The following NALF1 variants were observed in gnomAD, a reference collection of about 807,000 sequenced individuals.
NALF1 encodes NALCN channel auxiliary factor 1.
NALF1 carries 3 observed loss-of-function variants against 48.4 expected under a neutral mutation model. The ratio of observed to expected loss-of-function variants is 0.06; its 90% CI spans 0.03 to 0.16. NALF1 has a LOEUF of 0.16. Among genes scored for constraint, NALF1 ranks in the 10% least tolerant of loss-of-function variants. The probability of loss-of-function intolerance (pLI) is 1.00; values close to 1 mark genes in which losing one functional copy is unlikely to be tolerated. For missense variants in NALF1, 526 were observed against 571.5 expected (o/e 0.92, Z 0.81); for synonymous variants, 262 against 245.7 (o/e 1.07, Z -0.62).
intron 1 of NALF1, among the ~76,000 whole-genome samples, chr13:107,483,966 GTAT>G (rs1362272772): frequency 1.3e-5 from 2 of 151,848 alleles, no homozygotes; most frequent in Non-Finnish European, 2.9e-5. Flanking sequence ...GTTACTATTG[GTAT>G]TATTATCATA....
At chr13:107,687,099 A>G (rs1566444165) in intron 1 of NALF1, among the ~76,000 whole-genome samples, 1 of 152,256 alleles carries the variant, frequency 6.6e-6, no homozygotes, top group Non-Finnish European at 1.5e-5. Context: ...GTGCATATAC[A>G]CCATGGAATA....
chr13:107,534,099 T>A (rs1876726187), intron 1 of NALF1, among the ~76,000 whole-genome samples: 2 of 152,058 alleles, frequency 1.3e-5, no homozygotes, highest in South Asian at 4.1e-4. Flanking sequence ...ATTGGCCCAG[T>A]GGCATCAGCA....
chr13:107,500,547 G>A (rs1223623), intron 1 of NALF1, among the ~76,000 whole-genome samples: 2,286 of 149,178 alleles, frequency 0.015, 71 homozygotes, highest in African/African-American at 0.054. Context: ...TCAGTGTGGC[G>A]ATTCCTCAGG....
chr13:107,327,689 G>A (rs905144190), intron 1 of NALF1, among the ~76,000 whole-genome samples: 40 of 151,980 alleles, frequency 2.6e-4, no homozygotes, highest in African/African-American at 9.2e-4. Context: ...GATCATTTCC[G>A]CTTTTCTTCT....
rs558080234 is a variant in NALF1, at chr13:107,431,523, C to T, written c.916-220768G>A. Among the ~76,000 whole-genome samples the T allele has an allele frequency of 3.9e-5, 6 of 152,316 alleles. No homozygotes were observed. The South Asian group carries it at 1.2e-3, about 32-fold the overall frequency. On this transcript the variant is annotated intron_variant, in intron 1 of 2. Coordinates refer to ENST00000375915, the MANE Select transcript of NALF1 (RefSeq NM_001080396.3). ...ACTTGAATTGAATGGCTATTCACTG[C>T]TAAAAGGAACGAGTGTTAAGTAGGA... is the stretch of plus-strand genomic sequence containing the variant.
chr13:107,447,388 T>C (rs1179343401), intron 1 of NALF1, among the ~76,000 whole-genome samples: 1 of 152,094 alleles, frequency 6.6e-6, no homozygotes, highest in East Asian at 1.9e-4. Context: ...ATTCCATCTC[T>C]CCTTTCTTCA....
rs527825002 is a variant in NALF1, at chr13:107,773,913, G to T, written c.915+91769C>A. Among the ~76,000 whole-genome samples the T allele has an allele frequency of 1.4e-3, 212 of 152,222 alleles. 2 individuals are homozygous for T. Among genetic ancestry groups the T allele is most frequent in the Non-Finnish European group, 2.6e-4 (18 of 68,008 alleles). ...AAAATAAAATGAGTGTCACTATTTT[G>T]TATAAGTGTACAATCAACTATATTG... is the stretch of plus-strand genomic sequence containing the variant. On this transcript the variant is annotated intron_variant, in intron 1 of 2. Coordinates refer to ENST00000375915, the MANE Select transcript of NALF1 (RefSeq NM_001080396.3).
intron 1 of NALF1, among the ~76,000 whole-genome samples, chr13:107,641,191 G>A (rs1342492365): frequency 6.6e-6 from 1 of 152,136 alleles, no homozygotes; most frequent in Non-Finnish European, 1.5e-5. Context: ...ACTCATATGT[G>A]GAAGCTAAAA....
rs1214771144 is a variant in NALF1 at position 107,362,417 on chromosome 13, G to T, written c.916-151662C>A. Reference sequence around the variant, plus strand: ...CTGAAACCTGTAGAGTAGCATCTTCGCTTGCCTCCTCCTGACTTTGGAGGT... The same window carrying T: ...CTGAAACCTGTAGAGTAGCATCTTCTCTTGCCTCCTCCTGACTTTGGAGGT... On this transcript the variant is annotated intron_variant, in intron 1 of 2. Coordinates refer to ENST00000375915, the MANE Select transcript of NALF1 (RefSeq NM_001080396.3). This position sits in a 1 kb window ranked among gnomAD's most constrained non-coding sequence, Gnocchi z 4.6. Among the ~76,000 whole-genome samples, 1 of 152,058 alleles carries T rather than the reference G, an allele frequency of 6.6e-6. No individual in the cohort carries two copies. Among genetic ancestry groups the T allele is most frequent in the African/African-American group, 2.4e-5 (1 of 41,390 alleles).
At chr13:107,661,879 TAATA>T (rs1880742581) in intron 1 of NALF1, among the ~76,000 whole-genome samples, 1 of 152,174 alleles carries the variant, frequency 6.6e-6, no homozygotes, top group African/African-American at 2.4e-5. Flanking sequence ...AGATGATAAA[TAATA>T]AATAAATCTA....
At chr13:107,172,889 G>GA (rs902420284) in intron 2 of NALF1, among the ~76,000 whole-genome samples, 22 of 150,412 alleles carry the variant, frequency 1.5e-4, no homozygotes, top group African/African-American at 2.4e-4. Flanking sequence ...AGTCATCGCA[G>GA]AAAAAAAAAT....
intron 1 of NALF1, among the ~76,000 whole-genome samples, chr13:107,523,912 G>T (rs1182253557): frequency 6.6e-6 from 1 of 151,872 alleles, no homozygotes; most frequent in Non-Finnish European, 1.5e-5. Context: ...ATATAATAAG[G>T]ATGCATTTTA....
chr13:107,720,479 C>T (rs1875950472), intron 1 of NALF1, among the ~76,000 whole-genome samples: 1 of 128,830 alleles, frequency 7.8e-6, no homozygotes, highest in Admixed American at 1.0e-4. Context: ...CCCCTGCACT[C>T]CAGCCTGGGC....
chr13:107,821,447 T>C (rs1879359946), intron 1 of NALF1, among the ~76,000 whole-genome samples: 1 of 152,228 alleles, frequency 6.6e-6, no homozygotes, highest in Non-Finnish European at 1.5e-5. Context: ...ATGTCGAGAT[T>C]ACGCGCCCTT....
At chr13:107,753,986 T>C (rs193241465) in intron 1 of NALF1, among the ~76,000 whole-genome samples, 1 of 152,116 alleles carries the variant, frequency 6.6e-6, no homozygotes, top group East Asian at 1.9e-4. Flanking sequence ...TAAAAAGAGG[T>C]ACTGACAAAA....
chr13:107,577,388 C>A (rs556067397), intron 1 of NALF1, among the ~76,000 whole-genome samples: 1 of 152,200 alleles, frequency 6.6e-6, no homozygotes, highest in African/African-American at 2.4e-5. Flanking sequence ...CTAGGAGCAA[C>A]AAGGGGCTGA....
At chr13:107,487,310 T>C (rs1265865806) in intron 1 of NALF1, among the ~76,000 whole-genome samples, 1 of 152,200 alleles carries the variant, frequency 6.6e-6, no homozygotes, top group East Asian at 1.9e-4. Flanking sequence ...GAGATATCAC[T>C]TGGCAAACAA....
At chr13:107,270,040 G>A (rs1424643692) in intron 1 of NALF1, among the ~76,000 whole-genome samples, 1 of 150,204 alleles carries the variant, frequency 6.7e-6, no homozygotes, top group African/African-American at 2.5e-5. Context: ...AAAGTGCTGG[G>A]ATTACAGGCG....
intron 1 of NALF1, among the ~76,000 whole-genome samples, chr13:107,233,640 C>T (rs1013152810): frequency 1.3e-5 from 2 of 152,146 alleles, no homozygotes; most frequent in South Asian, 2.1e-4. Context: ...AAGTGATTTG[C>T]TTACAGAGTT....
Sources: gnomAD v4.1 joint callset for allele counts (sites outside exome capture counted in the v4.1 genomes callset) on GRCh38, gnomAD v4.1.1 for gene constraint, Gnocchi (gnomAD v3.1) non-coding constraint, MANE v1.5 for transcripts, NCBI Gene and HGNC (gene_info 2026-07-23, HGNC 2026-07-21) for gene names.